CEP250: variants seen among roughly 807,000 people sequenced by gnomAD.
CEP250 encodes centrosomal protein 250.
A neutral mutation model predicts 315.7 loss-of-function variants in CEP250; 242 were observed. That is an observed-to-expected ratio of 0.77 (90% CI 0.69 to 0.85). The LOEUF is 0.85. CEP250 is among the 40% of genes least tolerant of loss of function. The pLI, the probability that CEP250 is intolerant of heterozygous loss-of-function variation, is 0.00. For missense variants in CEP250, 2,515 were observed against 2,886.4 expected (o/e 0.87, Z 2.95); for synonymous variants, 1,088 against 1,175.0 (o/e 0.93, Z 1.51).
At chr20:35,509,903 GC>G in intron 33 of CEP250, 94 bp from the exon 34 acceptor site, 1 of 1,127,006 alleles carries the variant, frequency 8.9e-7, no homozygotes, top group South Asian at 1.2e-5. Context: ...CCTTGCCCAG[GC>G]CCCTAAGATT....
At chr20:35,487,581 C>T (rs988307899) in intron 20 of CEP250, among the ~76,000 whole-genome samples, 1 of 152,142 alleles carries the variant, frequency 6.6e-6, no homozygotes, top group African/African-American at 2.4e-5. Context: ...AAGCACCTCC[C>T]CATGCCAAGC....
intron 1 of CEP250, 68 bp from the exon 2 acceptor site, chr20:35,458,236 G>A (rs2062675007): frequency 6.6e-6 from 1 of 152,106 alleles, no homozygotes. Flanking sequence ...TACTCCTTTT[G>A]TAGTATTTTG....
At position 35,493,453 on chromosome 20, in the gene CEP250, C is replaced by G. The variant is rs1480768256; in HGVS notation, c.2914C>G (p.Gln972Glu). Residue 972 changes from glutamine (Q) to glutamate (E), a missense_variant, in exon 23 of 35, where the codon CAG becomes GAG. Physicochemically the swap from Gln to Glu is conservative, Grantham distance 29. Coordinates refer to ENST00000397527, the MANE Select transcript of CEP250 (RefSeq NM_007186.6). ...EQETTGILQTQLQEAQRELKE... is the reference protein window; with the variant it reads ...EQETTGILQTELQEAQRELKE... ...GGAGACCACTGGGATACTACAGACCCAGCTCCAGGAGGCTCAACGGGAGCT... is the reference window on the plus strand; with the variant it reads ...GGAGACCACTGGGATACTACAGACCGAGCTCCAGGAGGCTCAACGGGAGCT... 6.2e-7 allele frequency: 1 copy of G among 1,607,866 alleles called. No individual in the cohort carries two copies. Among genetic ancestry groups the G allele is most frequent in the East Asian group, 2.3e-5 (1 of 44,312 alleles).
intron 3 of CEP250, among the ~76,000 whole-genome samples, chr20:35,461,190 A>G (rs1373365479): frequency 2.6e-5 from 4 of 152,238 alleles, no homozygotes; most frequent in African/African-American, 9.6e-5. Flanking sequence ...AGTTGAAAAT[A>G]CGGATATTCC....
At chr20:35,461,743 A>G (rs1476821080) in intron 3 of CEP250, among the ~76,000 whole-genome samples, 2 of 152,218 alleles carry the variant, frequency 1.3e-5, no homozygotes, top group African/African-American at 4.8e-5. Context: ...ATGAGAAGGC[A>G]TTGGAAGGTT....
In CEP250 at chr20:35,480,111, A is replaced by G; in HGVS notation, c.2552A>G (p.His851Arg). ...KTALEQQKAA[H>R]EKEVNQLREK... ...GCCTTGGAGCAGCAGAAGGCAGCCC[A>G]TGAGAAAGAGGTGAACCAGCTCCGG... Residue 851 changes from histidine to arginine, a missense_variant, in exon 20 of 35, where the codon CAT becomes CGT. His to Arg is a conservative substitution (Grantham distance 29). Transcript: ENST00000397527. The G allele has an allele frequency of 6.2e-7, 1 of 1,612,528 alleles. No individual in the cohort carries two copies. Among genetic ancestry groups the G allele is most frequent in the Non-Finnish European group, 8.5e-7 (1 of 1,180,000 alleles).
chr20:35,467,793 C>T (rs1243553863), intron 9 of CEP250, among the ~76,000 whole-genome samples: 1 of 152,086 alleles, frequency 6.6e-6, no homozygotes, highest in Non-Finnish European at 1.5e-5. Flanking sequence ...AGCTATGACT[C>T]CATCCTCCAT....
At chr20:35,510,090 C>T in intron 34 of CEP250, 36 bp downstream of exon 34, 1 of 1,595,308 alleles carries the variant, frequency 6.3e-7, no homozygotes, top group South Asian at 1.1e-5. Context: ...TATTCCCTCC[C>T]TTGCACTCAG....
chr20:35,473,817 G>A, intron 13 of CEP250, 53 bp from the exon 14 acceptor site: 1 of 1,507,350 alleles, frequency 6.6e-7, no homozygotes, highest in Non-Finnish European at 8.9e-7. Flanking sequence ...CCTGCTTCCA[G>A]AAAGAATTTT....
At position 35,494,511 on chromosome 20, in the gene CEP250, C is replaced by G. The variant is rs1021216847; in HGVS notation, c.3034-13C>G. On this transcript the variant is annotated splice_polypyrimidine_tract_variant and intron_variant, in intron 23 of 34. Coordinates refer to ENST00000397527, the MANE Select transcript of CEP250 (RefSeq NM_007186.6). ...GCCCTGCCATCTTGGTCTTCATGCC[C>G]TTAATTTTCCAGGTGGAGGACTTGA... 1.9e-6 allele frequency: 3 copies of G among 1,613,280 alleles called. No individual in the cohort carries two copies. Among genetic ancestry groups the G allele is most frequent in the African/African-American group, 1.3e-5 (1 of 74,882 alleles).
In CEP250 at chr20:35,503,479, C is replaced by T; in HGVS notation, c.5110C>T (p.Gln1704Ter). 6.2e-7 allele frequency: 1 copy of T among 1,614,116 alleles called. No homozygotes were observed. Among genetic ancestry groups the T allele is most frequent in the South Asian group, 1.1e-5 (1 of 91,084 alleles). ...ERGRELTTQR[Q>*]LMQERAEEGK... Reference sequence around the variant, plus strand: ...AGGCCGGGAGCTGACCACTCAGAGGCAGCTGATGCAGGAACGGGCAGAGGA... The same window carrying T: ...AGGCCGGGAGCTGACCACTCAGAGGTAGCTGATGCAGGAACGGGCAGAGGA... The change falls in exon 30 of 35, where the codon CAG becomes TAG. Residue 1704 changes from glutamine to a stop codon, truncating the protein, a stop_gained. Transcript: ENST00000397527. LOFTEE classifies it high-confidence loss of function. This position sits in a 1 kb window ranked among gnomAD's most constrained non-coding sequence, Gnocchi z 4.2.
At chr20:35,467,179 G>GGGGGGGGGGGGGGGGGGCGGGCCCCCCC in intron 8 of CEP250, 107 bp downstream of exon 8, 1 of 534,912 alleles carries the variant, frequency 1.9e-6, no homozygotes, top group Non-Finnish European at 3.5e-6. Context: ...GGTGGGTGGG[G>GGGGGGGGGGGGGGGGGGCGGGCCCCCCC]GAGTTGGTAG....
chr20:35,456,035 G>A (rs943847543), intron 1 of CEP250, among the ~76,000 whole-genome samples: 5 of 152,056 alleles, frequency 3.3e-5, no homozygotes, highest in Admixed American at 1.3e-4. Flanking sequence ...AGCTGGGATT[G>A]CAGGCATGCG....
In CEP250 at chr20:35,503,172, C is replaced by T; in HGVS notation, c.4803C>T (p.Ser1601=). The change falls in exon 30 of 35, where the codon AGC becomes AGT. Residue 1601 remains serine (S), a synonymous_variant. Coordinates refer to ENST00000397527, the MANE Select transcript of CEP250 (RefSeq NM_007186.6). This position sits in a 1 kb window ranked among gnomAD's most constrained non-coding sequence, Gnocchi z 4.2. The part of the protein sequence containing the change: ...THLTLDLEER[S]QELQAQSSQI... ...TTACGCTGGACCTAGAAGAAAGGAGCCAGGAGCTGCAGGCACAAAGCAGCC... is the reference window on the plus strand; with the variant it reads ...TTACGCTGGACCTAGAAGAAAGGAGTCAGGAGCTGCAGGCACAAAGCAGCC... The T allele has an allele frequency of 6.2e-7, 1 of 1,614,064 alleles. No individual in the cohort carries two copies. Among genetic ancestry groups the T allele is most frequent in the Non-Finnish European group, 8.5e-7 (1 of 1,179,972 alleles).
Position 35,479,225 on chromosome 20 carries a change from C to A in CEP250, c.2095-6C>A. 1 of 1,612,810 alleles carries A rather than the reference C, an allele frequency of 6.2e-7. No individual in the cohort carries two copies. The highest frequency in any genetic ancestry group is 8.5e-7 in the Non-Finnish European group (1 of 1,179,228). On this transcript the variant is annotated splice_region_variant and splice_polypyrimidine_tract_variant and intron_variant, in intron 17 of 34. Transcript: ENST00000397527. ...GCTCCATCTCTCACCACATTCTTCCCCTCAGTCACGTCACCAGCAGGAGGC... is the reference window on the plus strand; with the variant it reads ...GCTCCATCTCTCACCACATTCTTCCACTCAGTCACGTCACCAGCAGGAGGC...
At chr20:35,485,375 A>G (rs75768098) in intron 20 of CEP250, among the ~76,000 whole-genome samples, 1 of 147,032 alleles carries the variant, frequency 6.8e-6, no homozygotes, top group Non-Finnish European at 1.5e-5. Flanking sequence ...CTCTGTCTCA[A>G]AAAAAAAAAA....
Position 35,498,617 on chromosome 20 carries a change from C to G in CEP250, c.3678C>G (p.Leu1226=). Residue 1226 remains leucine (L), a synonymous_variant, in exon 27 of 35, where the codon CTC becomes CTG. Coordinates refer to ENST00000397527, the MANE Select transcript of CEP250 (RefSeq NM_007186.6). ...LEPDQNGARS[L]FKRGPLLTAL... is the part of the protein sequence containing the mutation. Reference sequence around the variant, plus strand: ...CAGACCAGAATGGAGCTAGGAGCCTCTTTAAGAGAGGGCCCCTGCTGACTG... The same window carrying G: ...CAGACCAGAATGGAGCTAGGAGCCTGTTTAAGAGAGGGCCCCTGCTGACTG... 6.2e-7 allele frequency: 1 copy of G among 1,603,408 alleles called. No individual in the cohort carries two copies.
At chr20:35,490,958 C>A in intron 21 of CEP250, 154 bp downstream of exon 21, 1 of 888,652 alleles carries the variant, frequency 1.1e-6, no homozygotes, top group Non-Finnish European at 1.7e-6. Context: ...GTGGTCCGCA[C>A]CATTAGCCAC....
intron 29 of CEP250, 48 bp downstream of exon 29, chr20:35,502,014 C>T (rs369980056): frequency 1.3e-6 from 2 of 1,585,598 alleles, no homozygotes; most frequent in African/African-American, 2.7e-5. Flanking sequence ...GGAGTAGTCC[C>T]TTGGGCCCAC....
Sources: gnomAD v4.1 joint callset for allele counts (sites outside exome capture counted in the v4.1 genomes callset) on GRCh38, gnomAD v4.1.1 for gene constraint, Gnocchi (gnomAD v3.1) non-coding constraint, MANE v1.5 for transcripts, NCBI Gene and HGNC (gene_info 2026-07-23, HGNC 2026-07-21) for gene names.